Variants in CNKSR3 observed in about 807,000 individuals in gnomAD.
The protein encoded by CNKSR3 is CNKSR family member 3.
CNKSR3 carries 36 observed loss-of-function variants against 67.7 expected under a neutral mutation model. That is an observed-to-expected ratio of 0.53 (90% CI 0.41 to 0.70). The LOEUF is 0.70. Ranked by LOEUF, CNKSR3 falls within the 30% of genes least tolerant of loss-of-function variation. The pLI, the probability that CNKSR3 is intolerant of heterozygous loss-of-function variation, is 0.00. For missense variants in CNKSR3, 630 were observed against 695.2 expected, an observed-to-expected ratio of 0.91 and a Z score of 1.05; for synonymous variants, 281 against 271.4, an observed-to-expected ratio of 1.04 and a Z score of -0.35.
chr6:154,447,378 G>A (rs561800097), intron 2 of CNKSR3, among the ~76,000 whole-genome samples: 24 of 152,180 alleles, frequency 1.6e-4, no homozygotes, highest in African/African-American at 5.8e-4. Flanking sequence ...CTACTGAAAA[G>A]AGCAGCTCTA....
At chr6:154,458,205 G>A (rs577611334) in intron 1 of CNKSR3, among the ~76,000 whole-genome samples, 1 of 152,156 alleles carries the variant, frequency 6.6e-6, no homozygotes, top group Non-Finnish European at 1.5e-5. Context: ...TGACAGCAGC[G>A]ATGAGTACAG....
intron 2 of CNKSR3, among the ~76,000 whole-genome samples, chr6:154,444,302 T>C (rs546807148): frequency 6.6e-6 from 1 of 152,196 alleles, no homozygotes; most frequent in African/African-American, 2.4e-5. Context: ...TTATCTCTAA[T>C]TTGCCGGTAA....
intron 1 of CNKSR3, among the ~76,000 whole-genome samples, chr6:154,477,701 A>G (rs1786482706): frequency 1.3e-5 from 2 of 152,188 alleles, no homozygotes; most frequent in African/African-American, 4.8e-5. Context: ...TAACTAGGCC[A>G]GCAAAGCTTG....
At chr6:154,495,089 G>A (rs975603587) in intron 1 of CNKSR3, among the ~76,000 whole-genome samples, 17 of 152,252 alleles carry the variant, frequency 1.1e-4, no homozygotes, top group African/African-American at 4.1e-4. Flanking sequence ...CAAGCTTGAG[G>A]ACCTGAATTT....
Position 154,441,242 on chromosome 6 carries a change from C to CAAAA in CNKSR3, c.507+46_507+49dup, listed in dbSNP as rs34887626. The stretch of plus-strand genomic sequence containing the variant: ...AAAATCCTTTCAAGAAGAGGAAAAG[C>CAAAA]AAAAAAAAAAAAAAAAAAAAAAAGA... On this transcript the variant is annotated intron_variant, in intron 4 of 12. Coordinates refer to ENST00000607772, the MANE Select transcript of CNKSR3 (RefSeq NM_173515.4). 1,614 of 846,142 alleles carry CAAAA rather than the reference C, an allele frequency of 1.9e-3. 6 individuals carry two copies. Among genetic ancestry groups the CAAAA allele is most frequent in the Admixed American group, 3.7e-3 (139 of 37,174 alleles). 52.4% of individuals were successfully genotyped at this position (846,142 alleles called of 1,614,324 possible).
intron 1 of CNKSR3, among the ~76,000 whole-genome samples, chr6:154,491,489 C>A (rs1018923970): frequency 1.3e-5 from 2 of 152,208 alleles, no homozygotes. Context: ...GATTTCATGG[C>A]ATTCTGAATG....
At chr6:154,486,208 A>C (rs1228722691) in intron 1 of CNKSR3, among the ~76,000 whole-genome samples, 2 of 152,156 alleles carry the variant, frequency 1.3e-5, no homozygotes, top group Admixed American at 1.3e-4. Flanking sequence ...GAACTGAGGA[A>C]AGACATTTAA....
intron 1 of CNKSR3, among the ~76,000 whole-genome samples, chr6:154,459,140 A>G (rs1326227701): frequency 6.6e-6 from 1 of 151,912 alleles, no homozygotes; most frequent in Non-Finnish European, 1.5e-5. Context: ...GAGAGAAAGA[A>G]AGAAAGAAAG....
At position 154,398,901 on chromosome 6, in the gene CNKSR3, A is replaced by G. The variant is rs1784688178; in HGVS notation, c.*7453T>C. On this transcript the variant is annotated 3_prime_UTR_variant, in exon 13 of 13. Transcript: ENST00000607772. ...GTTCGAGACCAGCCTGACCAACACG[A>G]AGAAACCCCATCTACTAAAAATACA... The G allele has an allele frequency of 6.6e-6, 1 of 152,166 alleles. No homozygotes were observed. Among genetic ancestry groups the G allele is most frequent in the South Asian group, 2.1e-4 (1 of 4,816 alleles). The allele number at this position is 152,166 out of a possible 1,614,324, so 9.4% of individuals were successfully genotyped here.
chr6:154,449,084 T>C (rs1301915413), intron 2 of CNKSR3, among the ~76,000 whole-genome samples: 1 of 152,204 alleles, frequency 6.6e-6, no homozygotes, highest in Non-Finnish European at 1.5e-5. Context: ...CTAACGAAGC[T>C]ACCCATGTGA....
intron 1 of CNKSR3, among the ~76,000 whole-genome samples, chr6:154,493,250 C>T (rs1186185008): frequency 1.3e-5 from 2 of 152,166 alleles, no homozygotes; most frequent in African/African-American, 4.8e-5. Flanking sequence ...TGAAATCGTT[C>T]CCTGGTCATC....
intron 1 of CNKSR3, among the ~76,000 whole-genome samples, chr6:154,495,989 A>T (rs1032490431): frequency 1.1e-4 from 17 of 152,198 alleles, no homozygotes; most frequent in Non-Finnish European, 2.2e-4. Flanking sequence ...GTGAATTCAG[A>T]ACAAACTCCC....
intron 10 of CNKSR3, among the ~76,000 whole-genome samples, chr6:154,411,920 G>C (rs894196230): frequency 6.6e-6 from 1 of 152,204 alleles, no homozygotes; most frequent in Non-Finnish European, 1.5e-5. Context: ...GTAACCAATG[G>C]AGAGTGATTC....
chr6:154,448,844 AATC>A (rs1785763811), intron 2 of CNKSR3, among the ~76,000 whole-genome samples: 1 of 152,208 alleles, frequency 6.6e-6, no homozygotes, highest in Non-Finnish European at 1.5e-5. Flanking sequence ...GCGACGGCAA[AATC>A]ATCAGCAGCA....
At chr6:154,410,217 C>T (rs974588295) in intron 12 of CNKSR3, 126 bp downstream of exon 12, 3 of 600,984 alleles carry the variant, frequency 5.0e-6, no homozygotes, top group South Asian at 2.4e-5. Flanking sequence ...GATGAGAAAA[C>T]GGGACTCAGA....
chr6:154,453,979 T>A (rs1697642545), intron 1 of CNKSR3, among the ~76,000 whole-genome samples: 1 of 151,806 alleles, frequency 6.6e-6, no homozygotes, highest in Non-Finnish European at 1.5e-5. Flanking sequence ...AGAGAAGAAA[T>A]TCTCACAGAA....
intron 1 of CNKSR3, among the ~76,000 whole-genome samples, chr6:154,457,413 A>C (rs144037532): frequency 7.2e-5 from 11 of 152,286 alleles, no homozygotes; most frequent in African/African-American, 2.6e-4. Context: ...TTGTTCAATA[A>C]TACTATGTTT....
intron 1 of CNKSR3, among the ~76,000 whole-genome samples, chr6:154,455,678 TC>T (rs1361889096): frequency 1.3e-5 from 2 of 152,098 alleles, no homozygotes; most frequent in African/African-American, 4.8e-5. Flanking sequence ...TGCCTCGACC[TC>T]CCAAAGTGCC....
rs978981520 is a variant in CNKSR3 at position 154,405,008 on chromosome 6, C to T, written c.*1346G>A. On this transcript the variant is annotated 3_prime_UTR_variant, in exon 13 of 13. Transcript: ENST00000607772. ...GGCAGTTCAGCAAACTCAACAATTC[C>T]GGTGGTATGAGAAAGGGCATTTTGG... The T allele has an allele frequency of 3.9e-5, 6 of 152,162 alleles. No individual in the cohort carries two copies. Among genetic ancestry groups the T allele is most frequent in the African/African-American group, 7.2e-5 (3 of 41,428 alleles). 9.4% of individuals were successfully genotyped at this position (152,162 alleles called of 1,614,324 possible).
Sources: gnomAD v4.1 joint callset for allele counts (sites outside exome capture counted in the v4.1 genomes callset) on GRCh38, gnomAD v4.1.1 for gene constraint, MANE v1.5 for transcripts, NCBI Gene and HGNC (gene_info 2026-07-23, HGNC 2026-07-21) for gene names.